Variants in SNTG1 observed in about 807,000 individuals in gnomAD.
SNTG1 encodes gamma-1-syntrophin.
Under a neutral mutation model 74.7 loss-of-function variants are expected in SNTG1, and 39 were observed. The observed-to-expected ratio is 0.52, with a 90% confidence interval of 0.40 to 0.68. The LOEUF is 0.68. Ranked by LOEUF, SNTG1 falls within the 30% of genes least tolerant of loss-of-function variation. The pLI is 0.00. For synonymous variants in SNTG1, 254 were observed against 217.1 expected (o/e 1.17, Z -1.49); for missense variants, 685 against 609.5 (o/e 1.12, Z -1.30).
At chr8:50,133,660 T>G (rs2081383657) in intron 1 of SNTG1, among the ~76,000 whole-genome samples, 1 of 152,170 alleles carries the variant, frequency 6.6e-6, no homozygotes, top group Non-Finnish European at 1.5e-5. Context: ...TTGACAGGTC[T>G]AAGCTTACAG....
At position 50,650,713 on chromosome 8, in the gene SNTG1, A is replaced by G. The variant is rs1224870033; in HGVS notation, c.850-6196A>G. Among the ~76,000 whole-genome samples the G allele has an allele frequency of 3.9e-5, 6 of 151,980 alleles. No homozygotes were observed. The South Asian group carries it at 1.2e-3, about 32-fold the overall frequency. ...TTTCATTTCATTTATTTATTTATTT[A>G]TTTTTTGAGACAGAGTCTCACTCTG... On this transcript the variant is annotated intron_variant, in intron 13 of 18. Transcript: ENST00000642720.
intron 9 of SNTG1, among the ~76,000 whole-genome samples, chr8:50,506,111 C>A (rs1315002786): frequency 6.6e-6 from 1 of 152,088 alleles, no homozygotes; most frequent in Admixed American, 6.6e-5. Flanking sequence ...GAAGACTATT[C>A]TTTCCCTATT....
At chr8:50,324,330 C>T (rs144316211) in intron 2 of SNTG1, among the ~76,000 whole-genome samples, 1 of 152,336 alleles carries the variant, frequency 6.6e-6, no homozygotes, top group Non-Finnish European at 1.5e-5. Flanking sequence ...CAGTGCATGG[C>T]ATTGGCAATT....
Position 50,701,583 on chromosome 8 carries a change from TTCC to T in SNTG1, c.1039-3014_1039-3012del, listed in dbSNP as rs767926974. ...TCTATTGTGATATAATACCTTTTTC[TTCC>T]TCTTCTTCTTCTTCTTCTTCTTCTT... On this transcript the variant is annotated intron_variant, in intron 15 of 18. Transcript: ENST00000642720. Among the ~76,000 whole-genome samples the T allele has an allele frequency of 2.4e-4, 30 of 127,428 alleles. 2 individuals carry two copies. The highest frequency in any genetic ancestry group is 7.3e-4 in the African/African-American group (25 of 34,450). The allele number at this position is 127,428 out of a possible 152,430, so 83.6% of individuals were successfully genotyped here. A position where few individuals can be genotyped will look rare whatever the true frequency, so the allele number is the denominator to read the frequency against.
intron 15 of SNTG1, among the ~76,000 whole-genome samples, chr8:50,679,635 A>G (rs1585504505): frequency 1.3e-5 from 2 of 152,136 alleles, no homozygotes; most frequent in Non-Finnish European, 2.9e-5. Flanking sequence ...CTTTTTCTGA[A>G]TAATATAACT....
intron 4 of SNTG1, among the ~76,000 whole-genome samples, chr8:50,415,654 A>G (rs1039496151): frequency 6.6e-6 from 1 of 152,156 alleles, no homozygotes; most frequent in African/African-American, 2.4e-5. Context: ...AGTATATTAT[A>G]TAAAACTTAA....
intron 2 of SNTG1, among the ~76,000 whole-genome samples, chr8:50,248,559 C>T (rs1056260398): frequency 6.6e-6 from 1 of 152,168 alleles, no homozygotes; most frequent in Admixed American, 6.6e-5. Context: ...ACACCTACTT[C>T]AGCCTTAATG....
At chr8:50,244,083 T>C (rs2086284031) in intron 2 of SNTG1, among the ~76,000 whole-genome samples, 1 of 152,110 alleles carries the variant, frequency 6.6e-6, no homozygotes, top group South Asian at 2.1e-4. Flanking sequence ...TGGGGAGGAC[T>C]CAGGGAGCTT....
intron 1 of SNTG1, among the ~76,000 whole-genome samples, chr8:50,004,996 C>T (rs1815080215): frequency 6.6e-6 from 1 of 152,102 alleles, no homozygotes; most frequent in South Asian, 2.1e-4. Flanking sequence ...AATAAATGGC[C>T]TTTTCCGCGA....
chr8:50,527,938 T>C (rs1366298239), intron 9 of SNTG1, among the ~76,000 whole-genome samples: 1 of 151,918 alleles, frequency 6.6e-6, no homozygotes, highest in Admixed American at 6.6e-5. Context: ...GTAAATAATA[T>C]TTTAAAACTT....
chr8:50,616,335 T>G (rs1008514579), intron 13 of SNTG1, among the ~76,000 whole-genome samples: 5 of 152,206 alleles, frequency 3.3e-5, no homozygotes, highest in African/African-American at 1.2e-4. Context: ...TAGCTAGTGC[T>G]GGTGTCCCTG....
intron 1 of SNTG1, among the ~76,000 whole-genome samples, chr8:50,080,318 T>G (rs900955274): frequency 1.3e-5 from 2 of 152,182 alleles, no homozygotes; most frequent in Non-Finnish European, 2.9e-5. Flanking sequence ...GTATACCATA[T>G]GCTATCCTTT....
chr8:50,456,742 A>G (rs2093509713), intron 8 of SNTG1, among the ~76,000 whole-genome samples: 1 of 152,136 alleles, frequency 6.6e-6, no homozygotes, highest in African/African-American at 2.4e-5. Context: ...TAATAATGAG[A>G]CAAAACCAGG....
chr8:50,542,012 C>T (rs1056366944), intron 11 of SNTG1, among the ~76,000 whole-genome samples: 1 of 107,398 alleles, frequency 9.3e-6, no homozygotes, highest in Non-Finnish European at 1.8e-5. Context: ...TTTTGTTTTT[C>T]ATGGATGAAT....
chr8:50,073,565 C>T (rs1468709724), intron 1 of SNTG1, among the ~76,000 whole-genome samples: 1 of 152,026 alleles, frequency 6.6e-6, no homozygotes, highest in Non-Finnish European at 1.5e-5. Context: ...TGGAATGATG[C>T]ATTTTTCCAG....
At chr8:50,695,224 A>G (rs371841305) in intron 15 of SNTG1, among the ~76,000 whole-genome samples, 2 of 151,970 alleles carry the variant, frequency 1.3e-5, no homozygotes, top group Middle Eastern at 3.4e-3. Flanking sequence ...CACAAAAAAA[A>G]CCGTTAAAAA....
chr8:50,509,211 G>T (rs1236770187), intron 9 of SNTG1, among the ~76,000 whole-genome samples: 2 of 152,104 alleles, frequency 1.3e-5, no homozygotes, highest in African/African-American at 2.4e-5. Flanking sequence ...TGTCAGGTTT[G>T]TCAAAGATCA....
At chr8:50,425,697 T>TATTTTAAC (rs1382016995) in intron 4 of SNTG1, among the ~76,000 whole-genome samples, 1 of 152,190 alleles carries the variant, frequency 6.6e-6, no homozygotes, top group Non-Finnish European at 1.5e-5. Flanking sequence ...TAGGGACTGC[T>TATTTTAAC]ATTTTAACAT....
At chr8:50,064,177 T>C (rs1457136044) in intron 1 of SNTG1, among the ~76,000 whole-genome samples, 1 of 152,242 alleles carries the variant, frequency 6.6e-6, no homozygotes, top group African/African-American at 2.4e-5. Flanking sequence ...TAGCTATTTG[T>C]AGAAATTGTC....
Sources: gnomAD v4.1 joint callset for allele counts (sites outside exome capture counted in the v4.1 genomes callset) on GRCh38, gnomAD v4.1.1 for gene constraint, MANE v1.5 for transcripts, NCBI Gene and HGNC (gene_info 2026-07-23, HGNC 2026-07-21) for gene names.